STT3B: variants seen among roughly 807,000 people sequenced by gnomAD.
STT3B encodes the protein STT3 oligosaccharyltransferase complex catalytic subunit B, also known as dolichyl-diphosphooligosaccharide--protein glycosyltransferase subunit STT3B.
A neutral mutation model predicts 96.8 loss-of-function variants in STT3B; 29 were observed. The ratio of observed to expected loss-of-function variants is 0.30; its 90% CI spans 0.22 to 0.41. The LOEUF (loss-of-function observed/expected upper bound fraction) is 0.41. Among genes scored for constraint, STT3B ranks in the 10% least tolerant of loss-of-function variants. STT3B has a pLI of 1.00. For missense variants in STT3B, 640 were observed against 1,022.3 expected (o/e 0.63, Z 5.10); for synonymous variants, 367 against 360.0 (o/e 1.02, Z -0.22).
At chr3:31,622,025 T>TGTGG in intron 9 of STT3B, 72 bp from the exon 10 acceptor site, 2 of 1,322,410 alleles carry the variant, frequency 1.5e-6, no homozygotes, top group South Asian at 1.2e-5. Context: ...GGTTTTATAG[T>TGTGG]TTTAAGTATC....
At chr3:31,625,239 A>C (rs1187301749) in intron 12 of STT3B, among the ~76,000 whole-genome samples, 154 bp downstream of exon 12, 1 of 152,194 alleles carries the variant, frequency 6.6e-6, no homozygotes, top group Admixed American at 6.5e-5. Context: ...AGTGAGTTCA[A>C]GGTGTGCTTA....
At chr3:31,611,710 T>C (rs1229837140) in intron 5 of STT3B, among the ~76,000 whole-genome samples, 1 of 152,106 alleles carries the variant, frequency 6.6e-6, no homozygotes, top group Non-Finnish European at 1.5e-5. Flanking sequence ...TTGGTCAGGC[T>C]GGTCTCAAAT....
chr3:31,579,476 A>AT (rs1177348951), intron 2 of STT3B, among the ~76,000 whole-genome samples: 64 of 83,604 alleles, frequency 7.7e-4, no homozygotes, highest in African/African-American at 3.0e-4. Flanking sequence ...CCCTGTTTTG[A>AT]TAAAAAAAAA....
At chr3:31,539,719 T>A (rs1384942938) in intron 1 of STT3B, among the ~76,000 whole-genome samples, 4 of 152,168 alleles carry the variant, frequency 2.6e-5, no homozygotes, top group Non-Finnish European at 5.9e-5. Context: ...TTAAGACTTT[T>A]AACCTTCAAT....
intron 1 of STT3B, among the ~76,000 whole-genome samples, chr3:31,541,486 TTGGC>T (rs1461794750): frequency 6.6e-6 from 1 of 151,694 alleles, no homozygotes; most frequent in African/African-American, 2.4e-5. Flanking sequence ...TTTTTTTTTT[TTGGC>T]TGAGCATTTT....
intron 15 of STT3B, among the ~76,000 whole-genome samples, chr3:31,634,083 A>C (rs374385588): frequency 2.0e-5 from 3 of 152,324 alleles, no homozygotes; most frequent in East Asian, 1.9e-4. Flanking sequence ...GAAGCTTTTT[A>C]TATGAATATG....
At chr3:31,600,207 G>A (rs1319093117) in intron 4 of STT3B, among the ~76,000 whole-genome samples, 153 bp from the exon 5 acceptor site, 2 of 152,010 alleles carry the variant, frequency 1.3e-5, no homozygotes, top group African/African-American at 4.8e-5. Context: ...TGAGGAATAC[G>A]TTCTTCATAG....
chr3:31,594,604 A>C (rs1257615276), intron 3 of STT3B, among the ~76,000 whole-genome samples: 1 of 151,776 alleles, frequency 6.6e-6, no homozygotes, highest in Non-Finnish European at 1.5e-5. Context: ...TAATTTTTGT[A>C]TTTTTAGTAG....
chr3:31,631,743 C>T (rs1382420199), intron 14 of STT3B, among the ~76,000 whole-genome samples: 1 of 150,102 alleles, frequency 6.7e-6, no homozygotes, highest in East Asian at 2.0e-4. Context: ...CCCAGGAGTT[C>T]GAGACTAGCC....
intron 1 of STT3B, among the ~76,000 whole-genome samples, chr3:31,557,666 T>A (rs1442531955): frequency 2.0e-5 from 3 of 152,210 alleles, no homozygotes; most frequent in African/African-American, 7.2e-5. Flanking sequence ...GGAGTCTTGC[T>A]CTGTTGCCCA....
At position 31,622,167 on chromosome 3, in the gene STT3B, A is replaced by G. The variant is rs143950703; in HGVS notation, c.1398A>G (p.Pro466=). 137 of 1,614,142 alleles carry G rather than the reference A, an allele frequency of 8.5e-5. No homozygotes were observed. The Middle Eastern group carries it at 1.5e-3, about 18-fold the overall frequency. The part of the protein sequence containing the change: ...VMVRLMLTLT[P]VVCMLSAIAF... ...TGCGACTGATGTTGACTTTGACTCC[A>G]GTCGTGTGTATGCTGTCTGCAATTG... is the stretch of plus-strand genomic sequence containing the variant. Residue 466 remains proline, a synonymous_variant, in exon 10 of 16, where the codon CCA becomes CCG. Coordinates refer to ENST00000295770, the MANE Select transcript of STT3B (RefSeq NM_178862.3).
intron 1 of STT3B, 30 bp downstream of exon 1, chr3:31,533,342 G>T: frequency 1.4e-6 from 2 of 1,477,326 alleles, no homozygotes; most frequent in African/African-American, 1.5e-5. Flanking sequence ...TCCCCCGCCC[G>T]TGGCCCGCGG....
intron 1 of STT3B, among the ~76,000 whole-genome samples, chr3:31,571,411 A>G (rs1698132540): frequency 6.6e-6 from 1 of 152,012 alleles, no homozygotes; most frequent in Admixed American, 6.6e-5. Context: ...ATTTTATTCT[A>G]GGAAAATGAA....
At chr3:31,597,068 G>A (rs973399270) in intron 4 of STT3B, among the ~76,000 whole-genome samples, 1 of 152,074 alleles carries the variant, frequency 6.6e-6, no homozygotes, top group Non-Finnish European at 1.5e-5. Flanking sequence ...AATATTTGCA[G>A]CAAGTAAAAC....
intron 1 of STT3B, among the ~76,000 whole-genome samples, chr3:31,552,835 G>A (rs1254402323): frequency 1.3e-5 from 2 of 152,148 alleles, no homozygotes; most frequent in African/African-American, 4.8e-5. Flanking sequence ...CGGGCACGGT[G>A]GCTCACGCCT....
intron 3 of STT3B, among the ~76,000 whole-genome samples, chr3:31,583,822 T>C (rs777280030): frequency 2.6e-5 from 4 of 152,204 alleles, no homozygotes; most frequent in Non-Finnish European, 4.4e-5. Context: ...TTTAGTGGAT[T>C]CTTTTGGTAG....
At chr3:31,623,199 G>A (rs545857092) in intron 10 of STT3B, among the ~76,000 whole-genome samples, 133 of 152,246 alleles carry the variant, frequency 8.7e-4, no homozygotes, top group Admixed American at 1.6e-3. Context: ...GTTTTAACAA[G>A]TCTGTTGGTT....
At chr3:31,533,601 G>A in intron 1 of STT3B, 1 of 230,102 alleles carries the variant, frequency 4.3e-6, no homozygotes, top group Non-Finnish European at 8.2e-6. Context: ...CCGGGAGTGT[G>A]GGTGCAGCCG....
At chr3:31,602,596 A>C (rs1698953867) in intron 5 of STT3B, among the ~76,000 whole-genome samples, 1 of 151,870 alleles carries the variant, frequency 6.6e-6, no homozygotes, top group Non-Finnish European at 1.5e-5. Flanking sequence ...ACTCCCCTTT[A>C]ACCTTAGCAC....
Sources: gnomAD v4.1 joint callset for allele counts (sites outside exome capture counted in the v4.1 genomes callset) on GRCh38, gnomAD v4.1.1 for gene constraint, MANE v1.5 for transcripts, NCBI Gene and HGNC (gene_info 2026-07-23, HGNC 2026-07-21) for gene names.